Variants in SPPL3 observed in about 807,000 individuals in gnomAD.
SPPL3 encodes signal peptide peptidase-like 3.
Under a neutral mutation model 42.4 loss-of-function variants are expected in SPPL3, and 5 were observed. The ratio of observed to expected loss-of-function variants is 0.12; its 90% CI spans 0.06 to 0.25. The LOEUF (loss-of-function observed/expected upper bound fraction) is 0.25. Among genes scored for constraint, SPPL3 ranks in the 10% least tolerant of loss-of-function variants. The probability of loss-of-function intolerance (pLI) is 1.00; values close to 1 mark genes in which losing one functional copy is unlikely to be tolerated. For missense variants in SPPL3, 235 were observed against 489.0 expected (o/e 0.48, Z 4.90); for synonymous variants, 195 against 181.8 (o/e 1.07, Z -0.58).
intron 6 of SPPL3, among the ~76,000 whole-genome samples, chr12:120,780,599 A>AT (rs1869494885): frequency 6.6e-6 from 1 of 151,588 alleles, no homozygotes; most frequent in East Asian, 1.9e-4. Context: ...AAAAAAAAAA[A>AT]AAAAAAAGCT....
chr12:120,768,379 T>G lies in SPPL3; in HGVS notation c.719A>C (p.Asn240Thr). 5 of 1,614,164 alleles carry G rather than the reference T, an allele frequency of 3.1e-6. No individual in the cohort carries two copies. The highest frequency in any genetic ancestry group is 4.2e-6 in the Non-Finnish European group (5 of 1,180,022). The change falls in exon 8 of 11, where the codon AAT becomes ACT. Residue 240 changes from asparagine (N) to threonine (T), a missense_variant. Physicochemically the swap from Asn to Thr is moderately conservative, Grantham distance 65. Around this residue, in one of 6 missense-constraint regions of SPPL3, gnomAD observed 20 missense variants for 28.2 expected, o/e 0.71. Coordinates refer to ENST00000353487, the MANE Select transcript of SPPL3 (RefSeq NM_139015.5). ...VLSRKLHLGP[N>T]VGRDVPRLSL... Reference sequence around the variant, plus strand: ...CAGGCGAGGAACATCACGCCCAACATTGGGCCCCAGGTGGAGCTTCCGGGA... The same window carrying G: ...CAGGCGAGGAACATCACGCCCAACAGTGGGCCCCAGGTGGAGCTTCCGGGA...
At chr12:120,808,598 A>G (rs965993192) in intron 2 of SPPL3, among the ~76,000 whole-genome samples, 3 of 152,228 alleles carry the variant, frequency 2.0e-5, no homozygotes, top group Admixed American at 1.3e-4. Flanking sequence ...ATAATTCAAT[A>G]AAAGCAAATA....
chr12:120,831,681 T>G (rs1249142498), intron 1 of SPPL3, among the ~76,000 whole-genome samples: 4 of 152,206 alleles, frequency 2.6e-5, no homozygotes, highest in African/African-American at 4.8e-5. Flanking sequence ...GAATTGCTTC[T>G]CTTCTCCCAT....
intron 1 of SPPL3, among the ~76,000 whole-genome samples, chr12:120,867,372 T>TA (rs1872785869): frequency 1.3e-5 from 2 of 152,136 alleles, no homozygotes; most frequent in Non-Finnish European, 2.9e-5. Context: ...CCATCAAAAA[T>TA]ATTTAATGGT....
At chr12:120,816,281 C>G (rs755885116) in intron 1 of SPPL3, among the ~76,000 whole-genome samples, 13 of 152,178 alleles carry the variant, frequency 8.5e-5, no homozygotes, top group South Asian at 4.1e-4. Context: ...ATGGTTTCTT[C>G]TAACTTAAGT....
At chr12:120,848,536 G>A (rs1239349364) in intron 1 of SPPL3, among the ~76,000 whole-genome samples, 1 of 152,072 alleles carries the variant, frequency 6.6e-6, no homozygotes, top group Admixed American at 6.5e-5. Flanking sequence ...ACTTGCCCCC[G>A]CCACACCCCA....
intron 1 of SPPL3, among the ~76,000 whole-genome samples, chr12:120,863,565 G>T (rs527749610): frequency 1.6e-4 from 25 of 152,292 alleles, no homozygotes; most frequent in Middle Eastern, 3.4e-3. Flanking sequence ...CATATCTATA[G>T]TTTAAAATGT....
At chr12:120,887,554 A>C (rs934720039) in intron 1 of SPPL3, among the ~76,000 whole-genome samples, 9 of 152,236 alleles carry the variant, frequency 5.9e-5, no homozygotes, top group Non-Finnish European at 4.4e-5. Flanking sequence ...AAACTAGTTT[A>C]ACAATTATCT....
At chr12:120,899,559 TAAGG>T (rs1391808770) in intron 1 of SPPL3, among the ~76,000 whole-genome samples, 1 of 152,080 alleles carries the variant, frequency 6.6e-6, no homozygotes, top group Middle Eastern at 3.4e-3. Flanking sequence ...TTACATGAGA[TAAGG>T]AAGGAATTAT....
At chr12:120,901,375 T>C (rs141474762) in intron 1 of SPPL3, among the ~76,000 whole-genome samples, 211 of 151,802 alleles carry the variant, frequency 1.4e-3, no homozygotes, top group Non-Finnish European at 2.6e-3. Flanking sequence ...GGCAGATCAC[T>C]GGGTCAGGAG....
chr12:120,769,166 C>G, intron 6 of SPPL3, 107 bp from the exon 7 acceptor site: 1 of 821,548 alleles, frequency 1.2e-6, no homozygotes, highest in Non-Finnish European at 1.9e-6. Flanking sequence ...CCTCAAAAAT[C>G]AGGCAGCCCT....
chr12:120,804,653 G>C (rs1008265250), intron 2 of SPPL3, among the ~76,000 whole-genome samples: 2 of 152,180 alleles, frequency 1.3e-5, no homozygotes, highest in African/African-American at 4.8e-5. Context: ...TAGTGGGAAT[G>C]TACAATAGCA....
intron 1 of SPPL3, among the ~76,000 whole-genome samples, chr12:120,868,167 G>T (rs1281960082): frequency 1.3e-5 from 2 of 152,024 alleles, no homozygotes; most frequent in Non-Finnish European, 2.9e-5. Context: ...GAGGCAGAAG[G>T]ATCCCTTAAG....
At chr12:120,771,856 T>G (rs529418191) in intron 6 of SPPL3, among the ~76,000 whole-genome samples, 2 of 152,184 alleles carry the variant, frequency 1.3e-5, no homozygotes, top group Non-Finnish European at 2.9e-5. Context: ...TTCTAGACAG[T>G]TCAACACAAT....
intron 1 of SPPL3, among the ~76,000 whole-genome samples, chr12:120,827,834 C>A (rs1383868490): frequency 5.3e-5 from 8 of 152,010 alleles, no homozygotes; most frequent in African/African-American, 1.9e-4. Flanking sequence ...GTTGCCCAGG[C>A]TGGAGTGCAG....
intron 1 of SPPL3, among the ~76,000 whole-genome samples, chr12:120,866,008 C>T (rs1454408707): frequency 6.6e-6 from 1 of 152,176 alleles, no homozygotes; most frequent in Non-Finnish European, 1.5e-5. Flanking sequence ...TTATGAGAAT[C>T]TAATGCCCGA....
intron 1 of SPPL3, among the ~76,000 whole-genome samples, chr12:120,888,524 T>A (rs972701462): frequency 1.3e-5 from 2 of 152,160 alleles, no homozygotes; most frequent in African/African-American, 4.8e-5. Context: ...GGATGAGCCT[T>A]AAAAACACTG....
chr12:120,787,773 T>C (rs1869771759), intron 3 of SPPL3, among the ~76,000 whole-genome samples: 1 of 152,202 alleles, frequency 6.6e-6, no homozygotes, highest in South Asian at 2.1e-4. Context: ...AAATTTTATA[T>C]GCATTGAGTT....
At chr12:120,803,207 G>A (rs1219004826) in intron 2 of SPPL3, among the ~76,000 whole-genome samples, 2 of 152,156 alleles carry the variant, frequency 1.3e-5, no homozygotes, top group Non-Finnish European at 2.9e-5. Context: ...TAACAGGAGT[G>A]CTGGCATTAT....
Sources: allele counts gnomAD v4.1 joint callset (sites outside exome capture counted in the v4.1 genomes callset), GRCh38; gene constraint gnomAD v4.1.1; regional missense constraint gnomAD v4.1.1; transcripts MANE v1.5; gene names NCBI Gene and HGNC (gene_info 2026-07-23, HGNC 2026-07-21).